Variants in SENP7 observed in about 807,000 individuals in gnomAD.
The protein encoded by SENP7 is sentrin-specific protease 7.
Under a neutral mutation model 141.2 loss-of-function variants are expected in SENP7, and 64 were observed. The ratio of observed to expected loss-of-function variants is 0.45; its 90% CI spans 0.37 to 0.56. The LOEUF (loss-of-function observed/expected upper bound fraction) is 0.56. Among genes scored for constraint, SENP7 ranks in the 20% least tolerant of loss-of-function variants. The pLI is 0.00. For missense variants in SENP7, 1,025 were observed against 1,212.2 expected (o/e 0.85, Z 2.29); for synonymous variants, 382 against 426.4 (o/e 0.90, Z 1.28).
intron 6 of SENP7, among the ~76,000 whole-genome samples, chr3:101,378,929 CAATAAATA>C (rs1396350255): frequency 6.6e-6 from 1 of 151,856 alleles, no homozygotes; most frequent in South Asian, 2.1e-4. Context: ...AAAAACCTAC[CAATAAATA>C]AATAAAGTAC....
intron 14 of SENP7, among the ~76,000 whole-genome samples, chr3:101,342,002 T>A (rs1340692506): frequency 1.3e-5 from 2 of 152,200 alleles, no homozygotes; most frequent in Non-Finnish European, 2.9e-5. Flanking sequence ...TATTTGCAGA[T>A]ATGGACTACA....
intron 4 of SENP7, among the ~76,000 whole-genome samples, chr3:101,423,421 G>A (rs951872011): frequency 7.9e-5 from 12 of 152,140 alleles, no homozygotes; most frequent in Admixed American, 7.9e-4. Flanking sequence ...CAGGGGTGTG[G>A]AGAAAATGAA....
At chr3:101,450,578 T>C (rs964025253) in intron 4 of SENP7, among the ~76,000 whole-genome samples, 4 of 152,180 alleles carry the variant, frequency 2.6e-5, no homozygotes, top group African/African-American at 9.7e-5. Context: ...ACCACTCAAC[T>C]ACATGGAAAC....
At chr3:101,328,994 A>G (rs1361838526) in intron 20 of SENP7, among the ~76,000 whole-genome samples, 1 of 152,194 alleles carries the variant, frequency 6.6e-6, no homozygotes, top group Non-Finnish European at 1.5e-5. Flanking sequence ...AGTTAATTTA[A>G]CGTGTCTTTA....
chr3:101,482,431 A>G (rs1157472795), intron 3 of SENP7, among the ~76,000 whole-genome samples: 3 of 152,212 alleles, frequency 2.0e-5, no homozygotes, highest in African/African-American at 7.2e-5. Context: ...AAATACACAG[A>G]AAAATATTCC....
intron 4 of SENP7, among the ~76,000 whole-genome samples, chr3:101,433,553 C>T (rs2062266078): frequency 2.0e-5 from 3 of 151,890 alleles, no homozygotes; most frequent in Admixed American, 1.3e-4. Context: ...CACACATAAA[C>T]TAAAAATAAA....
intron 23 of SENP7, 61 bp downstream of exon 23, chr3:101,327,605 A>G (rs1016772339): frequency 7.6e-7 from 1 of 1,318,964 alleles, no homozygotes. Context: ...TATTACACCC[A>G]GTAACTTGTG....
In SENP7 at chr3:101,330,465, A is replaced by G. The variant is rs113905607; in HGVS notation, c.2699-79T>C. 2.7e-3 allele frequency: 2,439 copies of G among 914,556 alleles called. 35 individuals carry two copies. In the African/African-American group the frequency reaches 0.036, roughly 13 times the overall value. 56.7% of individuals were successfully genotyped at this position (914,556 alleles called of 1,614,324 possible). On this transcript the variant is annotated intron_variant, in intron 19 of 23. Transcript: ENST00000394095. ...GTAACTTAGAAAAGCTTAAAATTAT[A>G]ATTTTTATGCAGTTACTGGATGCAC...
chr3:101,371,819 TA>T (rs2060188834), intron 7 of SENP7, among the ~76,000 whole-genome samples, 188 bp downstream of exon 7: 1 of 152,206 alleles, frequency 6.6e-6, no homozygotes, highest in East Asian at 1.9e-4. Context: ...GATTAGTAAA[TA>T]AATCTAGAAA....
chr3:101,501,123 CA>C lies in SENP7; in HGVS notation c.41-5del. Reference sequence around the variant, plus strand: ...CTTTTTCCTTCTGTGATGATTTCTACAAAAACCAAAGACGTGGTAAAAATTA... The same window carrying C: ...CTTTTTCCTTCTGTGATGATTTCTACAAAACCAAAGACGTGGTAAAAATTA... On this transcript the variant is annotated splice_region_variant and splice_polypyrimidine_tract_variant and intron_variant, in intron 1 of 23. Transcript: ENST00000394095. 1 of 1,599,956 alleles carries C rather than the reference CA, an allele frequency of 6.3e-7. No individual in the cohort carries two copies. The highest frequency in any genetic ancestry group is 8.5e-7 in the Non-Finnish European group (1 of 1,170,622).
chr3:101,351,569 AC>A, intron 12 of SENP7, 48 bp downstream of exon 12: 1 of 1,272,598 alleles, frequency 7.9e-7, no homozygotes, highest in Non-Finnish European at 1.0e-6. Flanking sequence ...TTAAATTTAT[AC>A]TAAAAACTAT....
chr3:101,360,455 G>A (rs916305303), intron 11 of SENP7, among the ~76,000 whole-genome samples: 46 of 152,106 alleles, frequency 3.0e-4, no homozygotes, highest in African/African-American at 1.1e-3. Flanking sequence ...ATATTTATGT[G>A]TCTGTCTCTT....
intron 6 of SENP7, among the ~76,000 whole-genome samples, chr3:101,380,439 C>CG (rs1559744992): frequency 2.0e-5 from 2 of 102,388 alleles, no homozygotes; most frequent in Admixed American, 1.3e-4. Context: ...ACCACCGCCC[C>CG]CCCCCCCACA....
chr3:101,469,458 C>T (rs2063892298), intron 3 of SENP7, among the ~76,000 whole-genome samples: 1 of 151,670 alleles, frequency 6.6e-6, no homozygotes, highest in Non-Finnish European at 1.5e-5. Flanking sequence ...ACATTCTTCT[C>T]AGCACCACAT....
chr3:101,441,053 G>A (rs528292451), intron 4 of SENP7, among the ~76,000 whole-genome samples: 6 of 152,182 alleles, frequency 3.9e-5, no homozygotes, highest in Admixed American at 6.5e-5. Flanking sequence ...ACCCACACCC[G>A]CCATCCAGGT....
intron 23 of SENP7, among the ~76,000 whole-genome samples, chr3:101,327,372 C>T (rs2058930477): frequency 6.6e-6 from 1 of 152,066 alleles, no homozygotes. Context: ...AGTAACTTCT[C>T]ATGAGATCTG....
chr3:101,489,250 A>G (rs2064859917), intron 3 of SENP7, among the ~76,000 whole-genome samples: 1 of 152,208 alleles, frequency 6.6e-6, no homozygotes, highest in Non-Finnish European at 1.5e-5. Flanking sequence ...CAAAGCAACT[A>G]TACAGTCAAG....
At chr3:101,430,711 C>T (rs1188829698) in intron 4 of SENP7, among the ~76,000 whole-genome samples, 1 of 151,810 alleles carries the variant, frequency 6.6e-6, no homozygotes, top group Non-Finnish European at 1.5e-5. Context: ...TGATCTATTT[C>T]TCGCCTTCTT....
At chr3:101,404,427 ATTAAAGAC>A (rs2061239896) in intron 5 of SENP7, among the ~76,000 whole-genome samples, 1 of 152,234 alleles carries the variant, frequency 6.6e-6, no homozygotes, top group African/African-American at 2.4e-5. Flanking sequence ...CTCAAGATGG[ATTAAAGAC>A]TTAAATGTAA....
Sources: allele counts gnomAD v4.1 joint callset (sites outside exome capture counted in the v4.1 genomes callset), GRCh38; gene constraint gnomAD v4.1.1; transcripts MANE v1.5; gene names NCBI Gene and HGNC (gene_info 2026-07-23, HGNC 2026-07-21).